The following USP34 variants were observed in gnomAD, a reference collection of about 807,000 sequenced individuals.
The protein encoded by USP34 is ubiquitin carboxyl-terminal hydrolase 34.
USP34 carries 70 observed loss-of-function variants against 460.3 expected under a neutral mutation model. That is an observed-to-expected ratio of 0.15 (90% CI 0.13 to 0.19). The LOEUF (loss-of-function observed/expected upper bound fraction) is 0.19, where lower values mean the gene tolerates loss of function less well. Ranked by LOEUF, USP34 falls within the 10% of genes least tolerant of loss-of-function variation. The pLI, the probability that USP34 is intolerant of heterozygous loss-of-function variation, is 1.00. For missense variants in USP34, 3,985 were observed against 4,236.2 expected (o/e 0.94, Z 1.65); for synonymous variants, 1,647 against 1,405.3 (o/e 1.17, Z -3.85).
chr2:61,283,041 T>C, intron 37 of USP34, 104 bp downstream of exon 37: 9 of 1,205,528 alleles, frequency 7.5e-6, no homozygotes, highest in Non-Finnish European at 1.1e-5. Flanking sequence ...GTGATATATT[T>C]ATGGACTCAC....
At chr2:61,218,144 C>T (rs533727900) in intron 67 of USP34, among the ~76,000 whole-genome samples, 1 of 150,412 alleles carries the variant, frequency 6.6e-6, no homozygotes, top group African/African-American at 2.4e-5. Flanking sequence ...GCTGAAAAAC[C>T]TTTTTGGGGG....
chr2:61,436,114 T>C (rs1435315754), intron 1 of USP34, among the ~76,000 whole-genome samples: 1 of 152,078 alleles, frequency 6.6e-6, no homozygotes, highest in Non-Finnish European at 1.5e-5. Context: ...ACTAACTTCA[T>C]CTTTAAAGTC....
chr2:61,193,389 A>AAAAAAAAAAAAAAAT (rs397984741), intron 75 of USP34: 1 of 148,876 alleles, frequency 6.7e-6, no homozygotes, highest in African/African-American at 2.5e-5. Context: ...AAAAAAAAAA[A>AAAAAAAAAAAAAAAT]GTGGAGAATT....
rs777383928 is a variant in USP34 at position 61,370,557 on chromosome 2, C to A, written c.1099G>T (p.Asp367Tyr). The change falls in exon 9 of 80, where the codon GAC (aspartate) becomes TAC (tyrosine). Residue 367 changes from aspartate to tyrosine, a missense_variant. Physicochemically the swap from Asp to Tyr is radical, Grantham distance 160 (BLOSUM62 -3). Coordinates refer to ENST00000398571, the MANE Select transcript of USP34 (RefSeq NM_014709.4). ...TETSIAKELA[D>Y]WLISNNVVEH... ...ACCACATTGTTGCTAATAAGCCAGTCTGCAAGTTCTTTTGCAATGGACCTA... is the reference window on the plus strand; with the variant it reads ...ACCACATTGTTGCTAATAAGCCAGTATGCAAGTTCTTTTGCAATGGACCTA... 1 of 1,613,726 alleles carries A rather than the reference C, an allele frequency of 6.2e-7. No homozygotes were observed.
chr2:61,315,509 G>T (rs1690715994), intron 23 of USP34, among the ~76,000 whole-genome samples: 1 of 152,026 alleles, frequency 6.6e-6, no homozygotes, highest in African/African-American at 2.4e-5. Context: ...AAGTAGCTGG[G>T]ATTACAGGCA....
chr2:61,314,813 T>G (rs895654370), intron 24 of USP34, 62 bp downstream of exon 24: 186 of 1,588,688 alleles, frequency 1.2e-4, no homozygotes, highest in Admixed American at 1.8e-4. Flanking sequence ...AAGAAAAATT[T>G]TAGTTTCACA....
intron 1 of USP34, among the ~76,000 whole-genome samples, chr2:61,440,518 ATT>A (rs1229533998): frequency 5.0e-5 from 7 of 140,248 alleles, no homozygotes; most frequent in Non-Finnish European, 4.7e-5. Context: ...CCCTTTTTAA[ATT>A]TTTTTTTTTT....
chr2:61,313,217 G>C (rs573857467), intron 25 of USP34, among the ~76,000 whole-genome samples: 1 of 151,260 alleles, frequency 6.6e-6, no homozygotes, highest in Non-Finnish European at 1.5e-5. Flanking sequence ...CAAATAAAAA[G>C]ATATCAAGGA....
At chr2:61,444,380 A>T (rs1378960985) in intron 1 of USP34, among the ~76,000 whole-genome samples, 1 of 152,210 alleles carries the variant, frequency 6.6e-6, no homozygotes, top group Non-Finnish European at 1.5e-5. Flanking sequence ...AAGATGGGTC[A>T]AAGAAAATAT....
chr2:61,448,756 T>A (rs1357156259), intron 1 of USP34, among the ~76,000 whole-genome samples: 1 of 152,184 alleles, frequency 6.6e-6, no homozygotes, highest in African/African-American at 2.4e-5. Context: ...TTCTATATAT[T>A]AGCAATGAAC....
At chr2:61,347,807 T>A in intron 15 of USP34, 63 bp downstream of exon 15, 1 of 1,565,400 alleles carries the variant, frequency 6.4e-7, no homozygotes, top group South Asian at 1.2e-5. Context: ...GCAAATTGAA[T>A]ATAGGATATA....
Position 61,278,429 on chromosome 2 carries a change from G to C in USP34, c.5271C>G (p.Asp1757Glu). The C allele has an allele frequency of 6.3e-7, 1 of 1,587,368 alleles. No homozygotes were observed. The highest frequency in any genetic ancestry group is 8.5e-7 in the Non-Finnish European group (1 of 1,171,170). ...IKDASQTTLLDLDALARHLAD... is the reference protein window; with the variant it reads ...IKDASQTTLLELDALARHLAD... ...CCAAATGTCTTGCCAAGGCATCTAA[G>C]TCGAGGAGCGTTGTCTTAATACAAA... The change falls in exon 40 of 80, where the codon GAC (aspartate) becomes GAG (glutamate). Residue 1757 changes from aspartate to glutamate, a missense_variant. Physicochemically the swap from Asp to Glu is conservative, Grantham distance 45. Transcript: ENST00000398571.
chr2:61,279,436 G>T (rs1020973584), intron 39 of USP34, among the ~76,000 whole-genome samples: 1 of 152,046 alleles, frequency 6.6e-6, no homozygotes, highest in African/African-American at 2.4e-5. Flanking sequence ...TGGAAAAAAC[G>T]CAAGTCTTTA....
chr2:61,311,467 G>GAAAAGAGAAAGAAAAACAAAA, intron 27 of USP34, 73 bp downstream of exon 27: 2 of 1,203,700 alleles, frequency 1.7e-6, no homozygotes, highest in Non-Finnish European at 2.2e-6. Flanking sequence ...AAGGAAAGGA[G>GAAAAGAGAAAGAAAAACAAAA]AAAAGAGAAA....
chr2:61,255,556 A>G, intron 48 of USP34, among the ~76,000 whole-genome samples: 1 of 152,258 alleles, frequency 6.6e-6, no homozygotes, highest in East Asian at 1.9e-4. Context: ...TCTATTGCAA[A>G]GAAATGCTGT....
chr2:61,448,519 C>A (rs1448540644), intron 1 of USP34, among the ~76,000 whole-genome samples: 1 of 152,150 alleles, frequency 6.6e-6, no homozygotes, highest in African/African-American at 2.4e-5. Flanking sequence ...CTCTCTGGGA[C>A]CTCCATGGTT....
intron 1 of USP34, among the ~76,000 whole-genome samples, chr2:61,442,903 A>G (rs1240103206): frequency 1.1e-5 from 1 of 94,742 alleles, no homozygotes; most frequent in Non-Finnish European, 2.2e-5. Context: ...GTGTGTACAC[A>G]CACACACACA....
In USP34 at chr2:61,460,095, G is replaced by A. The variant is rs185953184; in HGVS notation, c.43+10555C>T. Among the ~76,000 whole-genome samples, 1,222 of 152,180 alleles carry A rather than the reference G, an allele frequency of 8.0e-3. 14 individuals are homozygous for A. Among genetic ancestry groups the A allele is most frequent in the Non-Finnish European group, 0.014 (943 of 68,010 alleles). Reference sequence around the variant, plus strand: ...GATACTTGAAAACAGTTTTATGTTGGCTTTTTTTGAGCACCCACATATTAC... The same window carrying A: ...GATACTTGAAAACAGTTTTATGTTGACTTTTTTTGAGCACCCACATATTAC... On this transcript the variant is annotated intron_variant, in intron 1 of 79. Coordinates refer to ENST00000398571, the MANE Select transcript of USP34 (RefSeq NM_014709.4).
At chr2:61,330,176 C>T (rs557792374) in intron 20 of USP34, among the ~76,000 whole-genome samples, 2 of 152,228 alleles carry the variant, frequency 1.3e-5, no homozygotes, top group African/African-American at 4.8e-5. Context: ...TTGTGTGTGA[C>T]GTTGGACAAG....
Sources: allele counts gnomAD v4.1 joint callset (sites outside exome capture counted in the v4.1 genomes callset), GRCh38; gene constraint gnomAD v4.1.1; transcripts MANE v1.5; gene names NCBI Gene and HGNC (gene_info 2026-07-23, HGNC 2026-07-21).